Variants in PRKCZ observed in about 807,000 individuals in gnomAD.
PRKCZ encodes protein kinase C zeta type.
PRKCZ carries 33 observed loss-of-function variants against 79.5 expected under a neutral mutation model. The observed-to-expected ratio is 0.41, with a 90% confidence interval of 0.31 to 0.55. The LOEUF (loss-of-function observed/expected upper bound fraction) is 0.55. Among genes scored for constraint, PRKCZ ranks in the 20% least tolerant of loss-of-function variants. The probability of loss-of-function intolerance (pLI) is 0.19; values close to 1 mark genes in which losing one functional copy is unlikely to be tolerated. For missense variants in PRKCZ, 578 were observed against 813.5 expected (o/e 0.71, Z 3.52); for synonymous variants, 342 against 320.9 (o/e 1.07, Z -0.70).
chr1:2,077,885 T>C (rs569424525), intron 4 of PRKCZ, among the ~76,000 whole-genome samples: 1 of 152,374 alleles, frequency 6.6e-6, no homozygotes, highest in East Asian at 1.9e-4. Context: ...TTATTGTTTT[T>C]AATCATTGAG....
chr1:2,066,605 G>C (rs145392050), intron 4 of PRKCZ, among the ~76,000 whole-genome samples: 1 of 152,234 alleles, frequency 6.6e-6, no homozygotes, highest in Non-Finnish European at 1.5e-5. Flanking sequence ...GCTTCCCAAC[G>C]TGTAGGGATT....
intron 4 of PRKCZ, chr1:2,073,992 C>T (rs1380846899): frequency 2.8e-6 from 4 of 1,411,970 alleles, no homozygotes; most frequent in Non-Finnish European, 3.7e-6. Flanking sequence ...AGCCGTGCTG[C>T]AGGCCCTGTG....
intron 10 of PRKCZ, among the ~76,000 whole-genome samples, chr1:2,166,076 T>C (rs138677648): frequency 6.6e-6 from 1 of 152,324 alleles, no homozygotes; most frequent in Non-Finnish European, 1.5e-5. Context: ...TCTTTGGTTG[T>C]TGATGAATCC....
At chr1:2,163,403 TG>T (rs1043251124) in intron 10 of PRKCZ, among the ~76,000 whole-genome samples, 4 of 152,210 alleles carry the variant, frequency 2.6e-5, no homozygotes, top group African/African-American at 9.6e-5. Flanking sequence ...GCCCATCATC[TG>T]GTCTCTGAGG....
At chr1:2,158,041 G>T (rs1311757144) in intron 10 of PRKCZ, among the ~76,000 whole-genome samples, 1 of 152,054 alleles carries the variant, frequency 6.6e-6, no homozygotes, top group African/African-American at 2.4e-5. Flanking sequence ...TCTCCTGACC[G>T]CAGGGTCCTG....
chr1:2,089,884 G>A (rs567889496), intron 4 of PRKCZ, among the ~76,000 whole-genome samples: 1 of 151,014 alleles, frequency 6.6e-6, no homozygotes, highest in East Asian at 2.0e-4. Flanking sequence ...GGGCAACATA[G>A]CGAGATCCCA....
intron 4 of PRKCZ, among the ~76,000 whole-genome samples, chr1:2,120,671 T>C (rs1445209712): frequency 6.6e-6 from 1 of 152,118 alleles, no homozygotes; most frequent in African/African-American, 2.4e-5. Context: ...GTGTCTAATG[T>C]GCTCTTTTTT....
intron 16 of PRKCZ, among the ~76,000 whole-genome samples, chr1:2,176,867 C>A (rs1241908234): frequency 2.6e-5 from 4 of 152,256 alleles, no homozygotes; most frequent in African/African-American, 9.6e-5. Context: ...TACAGCCCTT[C>A]CAGAGCCCAG....
chr1:2,151,036 C>T, intron 9 of PRKCZ, 58 bp downstream of exon 9: 6 of 1,580,904 alleles, frequency 3.8e-6, no homozygotes, highest in Middle Eastern at 2.3e-4. Flanking sequence ...CTGGGGCCTC[C>T]TCCGGGCTTT....
At chr1:2,053,766 T>G (rs1359586402) in intron 1 of PRKCZ, among the ~76,000 whole-genome samples, 1 of 152,234 alleles carries the variant, frequency 6.6e-6, no homozygotes, top group East Asian at 1.9e-4. Context: ...GTCAGACTTT[T>G]GGACTCCAGG....
chr1:2,059,648 C>T (rs558491025), intron 4 of PRKCZ, 57 bp downstream of exon 4: 1 of 1,604,580 alleles, frequency 6.2e-7, no homozygotes, highest in African/African-American at 1.3e-5. Context: ...AACTGTTGAT[C>T]CGTTGTGCCA....
At chr1:2,124,372 G>T (rs1398944430) in intron 4 of PRKCZ, among the ~76,000 whole-genome samples, 4 of 84,814 alleles carry the variant, frequency 4.7e-5, no homozygotes, top group South Asian at 4.3e-4. Context: ...GGGTCACGGC[G>T]GCGGTTAGGG....
chr1:2,067,099 A>T (rs566255601), intron 4 of PRKCZ, among the ~76,000 whole-genome samples: 1 of 152,092 alleles, frequency 6.6e-6, no homozygotes, highest in South Asian at 2.1e-4. Context: ...CTGTTAACTG[A>T]TTTCTAAGTT....
At chr1:2,130,702 C>T (rs1296555084) in intron 4 of PRKCZ, among the ~76,000 whole-genome samples, 2 of 151,788 alleles carry the variant, frequency 1.3e-5, no homozygotes, top group African/African-American at 4.8e-5. Context: ...GGGTGAGGCC[C>T]ACCTGCATTG....
intron 4 of PRKCZ, among the ~76,000 whole-genome samples, chr1:2,079,552 C>T (rs1663083616): frequency 6.6e-6 from 1 of 152,232 alleles, no homozygotes; most frequent in Admixed American, 6.5e-5. Flanking sequence ...TCCACCGTGT[C>T]CCGGACCCTC....
intron 4 of PRKCZ, among the ~76,000 whole-genome samples, chr1:2,083,467 TAA>T (rs1663951891): frequency 6.6e-6 from 1 of 152,228 alleles, no homozygotes; most frequent in Non-Finnish European, 1.5e-5. Flanking sequence ...AATGTATGAT[TAA>T]TTAGATTAAT....
chr1:2,092,604 T>C (rs1160021375), intron 4 of PRKCZ, among the ~76,000 whole-genome samples: 1 of 152,220 alleles, frequency 6.6e-6, no homozygotes, highest in Non-Finnish European at 1.5e-5. Context: ...GTTTAAGGTA[T>C]AAATTCATTG....
intron 16 of PRKCZ, 79 bp downstream of exon 16, chr1:2,175,392 CCCCAATAT>C: frequency 8.9e-7 from 1 of 1,126,330 alleles, no homozygotes; most frequent in Non-Finnish European, 1.2e-6. Context: ...CCAACCCCAA[CCCCAATAT>C]TCACCCAACC....
chr1:2,169,416 G>T, intron 10 of PRKCZ, 102 bp from the exon 11 acceptor site: 1 of 967,286 alleles, frequency 1.0e-6, no homozygotes, highest in Non-Finnish European at 1.6e-6. Context: ...CTGAACCTGC[G>T]GGAGGGTTCG....
Sources: gnomAD v4.1 joint callset for allele counts (sites outside exome capture counted in the v4.1 genomes callset) on GRCh38, gnomAD v4.1.1 for gene constraint, MANE v1.5 for transcripts, NCBI Gene and HGNC (gene_info 2026-07-23, HGNC 2026-07-21) for gene names.